The following CDK14 variants were observed in gnomAD, a reference collection of about 807,000 sequenced individuals.
The protein encoded by CDK14 is cyclin-dependent kinase 14.
Under a neutral mutation model 60.7 loss-of-function variants are expected in CDK14, and 34 were observed. That is an observed-to-expected ratio of 0.56 (90% CI 0.43 to 0.75). CDK14 has a LOEUF of 0.75. Among genes scored for constraint, CDK14 ranks in the 30% least tolerant of loss-of-function variants. The probability of loss-of-function intolerance (pLI) is 0.00; values close to 1 mark genes in which losing one functional copy is unlikely to be tolerated. For missense variants in CDK14, 482 were observed against 564.1 expected (o/e 0.85, Z 1.47); for synonymous variants, 197 against 203.7 (o/e 0.97, Z 0.28).
intron 14 of CDK14, among the ~76,000 whole-genome samples, chr7:91,153,850 A>G (rs1349437435): frequency 6.6e-6 from 1 of 152,172 alleles, no homozygotes; most frequent in Non-Finnish European, 1.5e-5. Flanking sequence ...TTACCTATGT[A>G]ACAAACCTGC....
chr7:90,821,458 G>A (rs1029420338), intron 5 of CDK14, among the ~76,000 whole-genome samples: 1 of 152,170 alleles, frequency 6.6e-6, no homozygotes, highest in Non-Finnish European at 1.5e-5. Flanking sequence ...TGTTCGTGTG[G>A]CTGTCCTTTG....
At chr7:90,727,237 G>A (rs547890059) in intron 3 of CDK14, among the ~76,000 whole-genome samples, 1 of 151,874 alleles carries the variant, frequency 6.6e-6, no homozygotes, top group East Asian at 1.9e-4. Context: ...GTTTTTTTTG[G>A]GGGGGTACTC....
intron 5 of CDK14, among the ~76,000 whole-genome samples, chr7:90,839,435 G>C (rs183212142): frequency 6.6e-6 from 1 of 152,298 alleles, no homozygotes; most frequent in African/African-American, 2.4e-5. Context: ...GAAATCCACA[G>C]CAAGATAGCT....
intron 2 of CDK14, among the ~76,000 whole-genome samples, chr7:90,668,579 A>T (rs1473430566): frequency 1.3e-5 from 2 of 151,706 alleles, no homozygotes; most frequent in Non-Finnish European, 2.9e-5. Flanking sequence ...TTGTTGTCTA[A>T]TCTGAGATCA....
chr7:91,012,748 G>A (rs1329304283), intron 10 of CDK14, among the ~76,000 whole-genome samples: 1 of 152,134 alleles, frequency 6.6e-6, no homozygotes, highest in East Asian at 1.9e-4. Flanking sequence ...GGGAAGTTGT[G>A]ACTGATTCTT....
chr7:90,860,244 CTT>C (rs1790961286), intron 5 of CDK14, among the ~76,000 whole-genome samples: 1 of 151,858 alleles, frequency 6.6e-6, no homozygotes, highest in Non-Finnish European at 1.5e-5. Context: ...TTTCCCCTGT[CTT>C]TCACAGTTCT....
At chr7:91,049,396 A>G (rs1443702993) in intron 11 of CDK14, among the ~76,000 whole-genome samples, 1 of 152,248 alleles carries the variant, frequency 6.6e-6, no homozygotes, top group African/African-American at 2.4e-5. Context: ...TGATTTAAAA[A>G]CAAAAAATAG....
intron 2 of CDK14, among the ~76,000 whole-genome samples, chr7:90,649,577 A>G (rs1490646590): frequency 6.6e-6 from 1 of 150,708 alleles, no homozygotes; most frequent in Non-Finnish European, 1.5e-5. Flanking sequence ...CGTCATTTAC[A>G]TTAGGTATTT....
Position 90,652,334 on chromosome 7 carries a change from A to T in CDK14, c.123+48085A>T, listed in dbSNP as rs181799794. Among the ~76,000 whole-genome samples, 126 of 152,366 alleles carry T rather than the reference A, an allele frequency of 8.3e-4. 1 individual carries two copies. The highest frequency in any genetic ancestry group is 2.7e-3 in the African/African-American group (114 of 41,590). Reference sequence around the variant, plus strand: ...AACTTATGAATCAAATGAACATTTTATAGACCAGAGGAAAATAGCTACTGA... The same window carrying T: ...AACTTATGAATCAAATGAACATTTTTTAGACCAGAGGAAAATAGCTACTGA... On this transcript the variant is annotated intron_variant, in intron 2 of 14. Coordinates refer to ENST00000380050, the MANE Select transcript of CDK14 (RefSeq NM_001287135.2).
At chr7:90,672,344 G>A (rs1252497745) in intron 2 of CDK14, among the ~76,000 whole-genome samples, 1 of 151,752 alleles carries the variant, frequency 6.6e-6, no homozygotes, top group Non-Finnish European at 1.5e-5. Flanking sequence ...TTGCCTTCCA[G>A]CTGTGAGCAA....
At chr7:90,637,510 T>C (rs1367619861) in intron 2 of CDK14, among the ~76,000 whole-genome samples, 1 of 151,712 alleles carries the variant, frequency 6.6e-6, no homozygotes, top group Non-Finnish European at 1.5e-5. Context: ...TAGTTTGTTA[T>C]AATTTCTGTT....
chr7:91,100,920 C>T (rs574100956), intron 12 of CDK14, among the ~76,000 whole-genome samples: 2 of 152,228 alleles, frequency 1.3e-5, no homozygotes, highest in East Asian at 3.9e-4. Flanking sequence ...TGTACTTTTC[C>T]ATCAGGTAGA....
intron 5 of CDK14, among the ~76,000 whole-genome samples, chr7:90,830,385 A>C (rs1789876482): frequency 6.6e-6 from 1 of 152,142 alleles, no homozygotes; most frequent in Non-Finnish European, 1.5e-5. Context: ...CTGGAGCTGG[A>C]ATGGCCAGGA....
chr7:90,901,818 C>T (rs886724103), intron 7 of CDK14, among the ~76,000 whole-genome samples: 1 of 151,936 alleles, frequency 6.6e-6, no homozygotes, highest in African/African-American at 2.4e-5. Flanking sequence ...AAGAAGTCCT[C>T]TGATCATCTC....
chr7:90,836,714 A>G (rs939975452), intron 5 of CDK14, among the ~76,000 whole-genome samples: 4 of 152,208 alleles, frequency 2.6e-5, no homozygotes, highest in Admixed American at 1.3e-4. Flanking sequence ...ATAATTGTCT[A>G]TGCAACCCTT....
chr7:90,751,405 A>T (rs1323026362), intron 4 of CDK14, among the ~76,000 whole-genome samples: 1 of 152,178 alleles, frequency 6.6e-6, no homozygotes, highest in African/African-American at 2.4e-5. Flanking sequence ...CAAGAATTTC[A>T]TATCCCACCA....
intron 10 of CDK14, among the ~76,000 whole-genome samples, chr7:91,012,204 T>C (rs899604223): frequency 2.6e-5 from 4 of 152,150 alleles, no homozygotes; most frequent in Admixed American, 1.3e-4. Context: ...CAAGATCCTT[T>C]TTAGCCCTGT....
chr7:90,936,620 G>A (rs1254208755), intron 8 of CDK14, among the ~76,000 whole-genome samples: 1 of 152,102 alleles, frequency 6.6e-6, no homozygotes, highest in Non-Finnish European at 1.5e-5. Flanking sequence ...TTTTTGATAT[G>A]TATCTAAAGC....
chr7:91,043,967 G>A (rs1030844136), intron 10 of CDK14, among the ~76,000 whole-genome samples: 2 of 152,078 alleles, frequency 1.3e-5, no homozygotes, highest in Non-Finnish European at 2.9e-5. Context: ...TTACCTTATT[G>A]CCTAGTAGTG....
Sources: gnomAD v4.1 joint callset for allele counts (sites outside exome capture counted in the v4.1 genomes callset) on GRCh38, gnomAD v4.1.1 for gene constraint, MANE v1.5 for transcripts, NCBI Gene and HGNC (gene_info 2026-07-23, HGNC 2026-07-21) for gene names.